Variants in AGMO observed in about 807,000 individuals in gnomAD.
The protein encoded by AGMO is glyceryl-ether monooxygenase.
AGMO carries 75 observed loss-of-function variants against 60.2 expected under a neutral mutation model. That is an observed-to-expected ratio of 1.25 (90% CI 1.03 to 1.51). The LOEUF is 1.51. Among genes scored for constraint, AGMO ranks in the 40% most tolerant of loss-of-function variants. The probability of loss-of-function intolerance (pLI) is 0.00; values close to 1 mark genes in which losing one functional copy is unlikely to be tolerated. For synonymous variants in AGMO, 261 were observed against 177.1 expected (o/e 1.47, Z -3.76); for missense variants, 763 against 525.5 (o/e 1.45, Z -4.42).
At chr7:15,468,307 C>A (rs531889371) in intron 3 of AGMO, among the ~76,000 whole-genome samples, 1 of 152,138 alleles carries the variant, frequency 6.6e-6, no homozygotes, top group African/African-American at 2.4e-5. Flanking sequence ...ACACTGGTAC[C>A]AAGATTACTA....
At chr7:15,121,126 T>C in the AGMO span, among the ~76,000 whole-genome samples, 1 of 152,158 alleles carries the variant, frequency 6.6e-6, no homozygotes. Flanking sequence ...TCCAGCTTCA[T>C]CCATGTCCCT....
chr7:15,153,655 C>A, the AGMO span, among the ~76,000 whole-genome samples: 2 of 152,090 alleles, frequency 1.3e-5, no homozygotes, highest in East Asian at 1.9e-4. Context: ...TGACTGTAAG[C>A]ATTTGTGTTT....
chr7:15,136,098 ATT>A, the AGMO span, among the ~76,000 whole-genome samples: 22 of 147,714 alleles, frequency 1.5e-4, no homozygotes, highest in Non-Finnish European at 5.9e-5. Flanking sequence ...GGTTCAAGCG[ATT>A]CTCCTGCCTC....
At chr7:15,218,794 T>C (rs1236056264) in intron 12 of AGMO, among the ~76,000 whole-genome samples, 2 of 152,068 alleles carry the variant, frequency 1.3e-5, no homozygotes, top group African/African-American at 2.4e-5. Context: ...TGAAGCATGG[T>C]GCACACAGTC....
chr7:15,414,034 G>A (rs1337832840), intron 5 of AGMO, among the ~76,000 whole-genome samples: 1 of 152,004 alleles, frequency 6.6e-6, no homozygotes, highest in Non-Finnish European at 1.5e-5. Context: ...TTTAGACAGA[G>A]TCTCACTCTG....
intron 3 of AGMO, among the ~76,000 whole-genome samples, chr7:15,502,860 G>C (rs1783421662): frequency 1.3e-5 from 2 of 152,010 alleles, no homozygotes; most frequent in South Asian, 2.1e-4. Flanking sequence ...AATACCTGAA[G>C]ACCTGTGATC....
chr7:15,545,888 T>G (rs1372912774), intron 2 of AGMO, among the ~76,000 whole-genome samples: 1 of 151,976 alleles, frequency 6.6e-6, no homozygotes, highest in Non-Finnish European at 1.5e-5. Flanking sequence ...TAAAATGAAT[T>G]AATCATTCTA....
At chr7:15,299,830 T>TACACACACACACACACACACAC (rs756832586) in intron 12 of AGMO, among the ~76,000 whole-genome samples, 5 of 48,196 alleles carry the variant, frequency 1.0e-4, no homozygotes, top group African/African-American at 5.8e-4. Flanking sequence ...TCTGTCTACA[T>TACACACACACACACACACACAC]ACACACACAC....
chr7:15,341,723 T>C (rs1195938166), intron 12 of AGMO, among the ~76,000 whole-genome samples: 2 of 152,168 alleles, frequency 1.3e-5, no homozygotes, highest in South Asian at 4.1e-4. Context: ...GGGTAATTTA[T>C]AAAGGAACAA....
At chr7:15,276,725 T>C (rs1403659184) in intron 12 of AGMO, among the ~76,000 whole-genome samples, 2 of 152,150 alleles carry the variant, frequency 1.3e-5, no homozygotes, top group Non-Finnish European at 2.9e-5. Context: ...GAAAGCTTTG[T>C]TCATATTTTT....
intron 3 of AGMO, among the ~76,000 whole-genome samples, chr7:15,514,795 C>A (rs1308111096): frequency 1.3e-5 from 2 of 152,172 alleles, no homozygotes; most frequent in Non-Finnish European, 2.9e-5. Flanking sequence ...TTTAGAATTA[C>A]TGGTTCAGGT....
At chr7:15,219,323 C>T (rs2128496325) in intron 12 of AGMO, among the ~76,000 whole-genome samples, 1 of 152,180 alleles carries the variant, frequency 6.6e-6, no homozygotes, top group South Asian at 2.1e-4. Context: ...GAATGAAGTG[C>T]TGGAGCACAG....
At chr7:15,550,405 T>C (rs1438324544) in intron 2 of AGMO, among the ~76,000 whole-genome samples, 1 of 151,788 alleles carries the variant, frequency 6.6e-6, no homozygotes, top group Non-Finnish European at 1.5e-5. Context: ...ATCAACAAAA[T>C]TGATAGACCG....
intron 12 of AGMO, among the ~76,000 whole-genome samples, chr7:15,320,123 G>GA (rs202063052): frequency 0.58 from 85,557 of 147,882 alleles, 25,647 homozygotes; most frequent in African/African-American, 0.76. Context: ...TGGGGTGGGG[G>GA]AGGGGGAAGG....
At chr7:15,373,940 C>A (rs1332584519) in intron 10 of AGMO, among the ~76,000 whole-genome samples, 1 of 152,190 alleles carries the variant, frequency 6.6e-6, no homozygotes, top group Non-Finnish European at 1.5e-5. Flanking sequence ...GAAACCTCTA[C>A]AATCTCTGCT....
At chr7:15,249,730 G>A (rs781194936) in intron 12 of AGMO, among the ~76,000 whole-genome samples, 3 of 151,992 alleles carry the variant, frequency 2.0e-5, no homozygotes, top group African/African-American at 4.8e-5. Flanking sequence ...TGAAAGATGA[G>A]GTACATCTAT....
intron 12 of AGMO, among the ~76,000 whole-genome samples, chr7:15,305,589 G>A (rs1046126925): frequency 3.3e-5 from 5 of 151,890 alleles, no homozygotes; most frequent in African/African-American, 4.8e-5. Flanking sequence ...ATTTTACTCT[G>A]ACAGAAATTA....
intron 5 of AGMO, among the ~76,000 whole-genome samples, chr7:15,402,598 T>G (rs1462033005): frequency 6.8e-6 from 1 of 147,660 alleles, no homozygotes; most frequent in African/African-American, 2.5e-5. Flanking sequence ...TTAAATATAT[T>G]TATCATTTAA....
intron 3 of AGMO, among the ~76,000 whole-genome samples, chr7:15,434,383 A>G (rs4400278): frequency 0.7 from 106,376 of 151,992 alleles, 37,724 homozygotes; most frequent in Middle Eastern, 0.79. Flanking sequence ...TTCTTCTAGT[A>G]AACAGAAATT....
Sources: allele counts gnomAD v4.1 joint callset (sites outside exome capture counted in the v4.1 genomes callset), GRCh38; gene constraint gnomAD v4.1.1; transcripts MANE v1.5; gene names NCBI Gene and HGNC (gene_info 2026-07-23, HGNC 2026-07-21).